The following PCDHA6 variants were observed in gnomAD, a reference collection of about 807,000 sequenced individuals.
PCDHA6 encodes protocadherin alpha 6.
Under a neutral mutation model 60.3 loss-of-function variants are expected in PCDHA6, and 55 were observed. That is an observed-to-expected ratio of 0.91 (90% CI 0.73 to 1.14). PCDHA6 has a LOEUF of 1.14. Among genes scored for constraint, PCDHA6 ranks in the 50% most tolerant of loss-of-function variants. The pLI, the probability that PCDHA6 is intolerant of heterozygous loss-of-function variation, is 0.00. For missense variants in PCDHA6, 1,327 were observed against 1,256.5 expected, an observed-to-expected ratio of 1.06 and a Z score of -0.85; for synonymous variants, 652 against 557.9, an observed-to-expected ratio of 1.17 and a Z score of -2.38.
Position 140,828,666 on chromosome 5 carries a change from T to G in PCDHA6, c.575T>G (p.Ile192Ser). The G allele has an allele frequency of 6.2e-7, 1 of 1,614,162 alleles. No individual in the cohort carries two copies. The highest frequency in any genetic ancestry group is 8.5e-7 in the Non-Finnish European group (1 of 1,180,028). ...VKINSDDNKQIGLLLKKSLDR... is the reference protein window; with the variant it reads ...VKINSDDNKQSGLLLKKSLDR... The stretch of plus-strand genomic sequence containing the variant: ...ATAAACAGTGATGACAATAAACAAA[T>G]TGGGCTCTTATTAAAGAAATCCTTG... Residue 192 changes from isoleucine to serine, a missense_variant, in exon 1 of 4, where the codon ATT becomes AGT. Transcript: ENST00000529310.
chr5:140,871,372 G>A lies in PCDHA6; in HGVS notation c.2394+40887G>A. 7 of 1,614,234 alleles carry A rather than the reference G, an allele frequency of 4.3e-6. No homozygotes were observed. The highest frequency in any genetic ancestry group is 5.9e-6 in the Non-Finnish European group (7 of 1,180,036). On this transcript the variant is annotated intron_variant, in intron 1 of 3. Coordinates refer to ENST00000529310, the MANE Select transcript of PCDHA6 (RefSeq NM_018909.4). Reference sequence around the variant, plus strand: ...ATACTCGCAGCAGAGGCGGCAGAGGGTGTGCTCTGAGGAGGGCCCACCTAA... The same window carrying A: ...ATACTCGCAGCAGAGGCGGCAGAGGATGTGCTCTGAGGAGGGCCCACCTAA...
Position 140,919,359 on chromosome 5 carries a change from G to A in PCDHA6, c.2395-59590G>A, listed in dbSNP as rs188480486. Among the ~76,000 whole-genome samples, 421 of 152,262 alleles carry A rather than the reference G, an allele frequency of 2.8e-3. 2 individuals carry two copies. The highest frequency in any genetic ancestry group is 0.014 in the Middle Eastern group (4 of 294). ...TGTTTGTATCTTTGAATCTAAAAGTGTCTCCTGCAGACAACACATAGTTGG... is the reference window on the plus strand; with the variant it reads ...TGTTTGTATCTTTGAATCTAAAAGTATCTCCTGCAGACAACACATAGTTGG... On this transcript the variant is annotated intron_variant, in intron 1 of 3. Coordinates refer to ENST00000529310, the MANE Select transcript of PCDHA6 (RefSeq NM_018909.4).
chr5:140,877,544 C>T (rs782624202), intron 1 of PCDHA6: 2 of 1,613,794 alleles, frequency 1.2e-6, no homozygotes, highest in Non-Finnish European at 1.7e-6. Context: ...GATCCCGAAG[C>T]GGCTCTGGTG....
chr5:140,863,548 T>C (rs1370374159), intron 1 of PCDHA6: 6 of 380,478 alleles, frequency 1.6e-5, no homozygotes, highest in South Asian at 4.1e-5. Context: ...TGGACTTCAA[T>C]AGGAAATTTT....
intron 1 of PCDHA6, chr5:140,928,001 A>T (rs1252162846): frequency 6.2e-7 from 1 of 1,614,034 alleles, no homozygotes; most frequent in Non-Finnish European, 8.5e-7. Flanking sequence ...GAAGACCTCG[A>T]TTCTAATGGT....
At chr5:140,870,092 C>T (rs2051656113) in intron 1 of PCDHA6, 2 of 1,613,728 alleles carry the variant, frequency 1.2e-6, no homozygotes, top group African/African-American at 1.3e-5. Context: ...CCCCCAATGG[C>T]AGGTCACTGT....
At chr5:140,834,711 G>A (rs1401581496) in intron 1 of PCDHA6, 1 of 1,614,266 alleles carries the variant, frequency 6.2e-7, no homozygotes. Context: ...GGAGGTGATC[G>A]TGGAAAGGCC....
intron 3 of PCDHA6, among the ~76,000 whole-genome samples, chr5:140,989,192 C>A (rs1458235302): frequency 6.6e-6 from 1 of 152,192 alleles, no homozygotes; most frequent in African/African-American, 2.4e-5. Context: ...GAATTACCCT[C>A]CCTTCTAGCT....
chr5:140,936,981 T>C (rs2153630854), intron 1 of PCDHA6, among the ~76,000 whole-genome samples: 1 of 152,330 alleles, frequency 6.6e-6, no homozygotes, highest in South Asian at 2.1e-4. Flanking sequence ...ATGAAGCTTG[T>C]TAACATTGAC....
intron 3 of PCDHA6, among the ~76,000 whole-genome samples, chr5:141,006,808 A>T (rs576819521): frequency 1.3e-5 from 2 of 152,322 alleles, no homozygotes; most frequent in East Asian, 3.9e-4. Flanking sequence ...TTCTGGCTTG[A>T]GAAATGGGGT....
chr5:140,881,587 GAAAT>G (rs2058760366), intron 1 of PCDHA6, among the ~76,000 whole-genome samples: 1 of 152,186 alleles, frequency 6.6e-6, no homozygotes, highest in Non-Finnish European at 1.5e-5. Context: ...CACATTGAGG[GAAAT>G]TTATTAATAT....
chr5:140,850,669 C>T lies in PCDHA6; in HGVS notation c.2394+20184C>T, dbSNP rs2150493050. 128 of 1,598,504 alleles carry T rather than the reference C, an allele frequency of 8.0e-5. 13 individuals are homozygous for T. The highest frequency in any genetic ancestry group is 3.3e-4 in the Middle Eastern group (2 of 5,998). The stretch of plus-strand genomic sequence containing the variant: ...CTGTACACTGTGCTGCGGTGCTCGG[C>T]GATGCCCACCGAGGGCGAGTGCGCG... On this transcript the variant is annotated intron_variant, in intron 1 of 3. Transcript: ENST00000529310.
chr5:140,848,397 A>C, intron 1 of PCDHA6: 2 of 1,283,802 alleles, frequency 1.6e-6, no homozygotes, highest in Non-Finnish European at 2.2e-6. Flanking sequence ...CTCTGTGCTG[A>C]ACGATGGCGA....
intron 1 of PCDHA6, among the ~76,000 whole-genome samples, chr5:140,925,502 C>G (rs978472276): frequency 6.6e-6 from 1 of 151,912 alleles, no homozygotes; most frequent in Admixed American, 6.6e-5. Context: ...GTCCCAATAT[C>G]CACGCAAAAG....
chr5:140,938,698 T>C (rs1430283682), intron 1 of PCDHA6, among the ~76,000 whole-genome samples: 1 of 152,194 alleles, frequency 6.6e-6, no homozygotes, highest in East Asian at 1.9e-4. Context: ...TTTTTAAATA[T>C]ATGTTTATGA....
chr5:140,877,224 G>C (rs986695805), intron 1 of PCDHA6: 6 of 1,613,712 alleles, frequency 3.7e-6, no homozygotes, highest in Admixed American at 1.7e-5. Flanking sequence ...TACCGCGGTC[G>C]GTGGGTGCGG....
chr5:140,828,344 T>C lies in PCDHA6; in HGVS notation c.253T>C (p.Phe85Leu), dbSNP rs1769704236. Residue 85 changes from phenylalanine (F) to leucine (L), a missense_variant, in exon 1 of 4, where the codon TTT (phenylalanine) becomes CTT (leucine). Phe to Leu is a conservative substitution (Grantham distance 22). Coordinates refer to ENST00000529310, the MANE Select transcript of PCDHA6 (RefSeq NM_018909.4). ...GGTAAATCTGCAGAATGGCATTTTG[T>C]TTGTGAATTCTCGGATCGACCGCGA... ...LEVNLQNGIL[F>L]VNSRIDREEL... 1 of 1,614,208 alleles carries C rather than the reference T, an allele frequency of 6.2e-7. No individual in the cohort carries two copies. Among genetic ancestry groups the C allele is most frequent in the East Asian group, 2.2e-5 (1 of 44,894 alleles).
At chr5:140,831,061 C>T (rs1771357408) in intron 1 of PCDHA6, 1 of 152,162 alleles carries the variant, frequency 6.6e-6, no homozygotes, top group Non-Finnish European at 1.5e-5. Context: ...TATTGTCCCC[C>T]TTTTAAACCA....
rs782328874 is a variant in PCDHA6, at chr5:141,009,755, C to G, written c.2671C>G (p.Pro891Ala). The G allele has an allele frequency of 6.2e-7, 1 of 1,614,002 alleles. No homozygotes were observed. Among genetic ancestry groups the G allele is most frequent in the African/African-American group, 1.3e-5 (1 of 74,894 alleles). ...TGAGTTGCCCGACAAATTCATTATC[C>G]CAGGATCTCCTGCAATCATCTCCAT... ...PGELPDKFII[P>A]GSPAIISIRQ... Residue 891 changes from proline (P) to alanine (A), a missense_variant, in exon 4 of 4, where the codon CCA becomes GCA. Physicochemically the swap from Pro to Ala is conservative, Grantham distance 27. Coordinates refer to ENST00000529310, the MANE Select transcript of PCDHA6 (RefSeq NM_018909.4).
Sources: gnomAD v4.1 joint callset for allele counts (sites outside exome capture counted in the v4.1 genomes callset) on GRCh38, gnomAD v4.1.1 for gene constraint, MANE v1.5 for transcripts, NCBI Gene and HGNC (gene_info 2026-07-23, HGNC 2026-07-21) for gene names.